The following GRIPAP1 variants were observed in gnomAD, a reference collection of about 807,000 sequenced individuals.
GRIPAP1 encodes GRIP1-associated protein 1.
GRIPAP1 carries 14 observed loss-of-function variants against 84.1 expected under a neutral mutation model. That is an observed-to-expected ratio of 0.17 (90% CI 0.11 to 0.26). The LOEUF (loss-of-function observed/expected upper bound fraction) is 0.26, where lower values mean the gene tolerates loss of function less well. Among genes scored for constraint, GRIPAP1 ranks in the 10% least tolerant of loss-of-function variants. GRIPAP1 has a pLI of 1.00. For missense variants in GRIPAP1, 518 were observed against 674.2 expected, an observed-to-expected ratio of 0.77 and a Z score of 2.57; for synonymous variants, 261 against 256.8, an observed-to-expected ratio of 1.02 and a Z score of -0.15.
chrX:48,990,863 T>C (rs958679300), intron 7 of GRIPAP1, 63 bp downstream of exon 7: 19 of 1,018,704 alleles, frequency 1.9e-5, no homozygotes, highest in Admixed American at 7.5e-5. Context: ...CGTGGGACTA[T>C]AGACAGAGGT....
intron 6 of GRIPAP1, among the ~76,000 whole-genome samples, chrX:48,992,410 G>A (rs2064525303): frequency 8.9e-6 from 1 of 112,371 alleles, no homozygotes; most frequent in Non-Finnish European, 1.9e-5. Context: ...CCAGAGTGCT[G>A]GAATCAAGGT....
At position 48,981,815 on chromosome X, in the gene GRIPAP1, G is replaced by A; in HGVS notation, c.1657C>T (p.Gln553Ter). The A allele has an allele frequency of 8.5e-7, 1 of 1,176,562 alleles. No individual in the cohort carries two copies. Among genetic ancestry groups the A allele is most frequent in the East Asian group, 3.1e-5 (1 of 31,899 alleles). ...QEEALKQCRE[Q>*]HAAELKGKEE... Reference sequence around the variant, plus strand: ...GGCACCTTCAGCTCGGCAGCGTGCTGCTCCCGACACTGCTTGAGGGCTTCC... The same window carrying A: ...GGCACCTTCAGCTCGGCAGCGTGCTACTCCCGACACTGCTTGAGGGCTTCC... Residue 553 changes from glutamine (Q) to a stop codon, truncating the protein, a stop_gained, in exon 18 of 26, where the codon CAG (glutamine) becomes TAG (stop). Transcript: ENST00000376423. LOFTEE classifies it high-confidence loss of function.
At position 48,974,132 on chromosome X, in the gene GRIPAP1, C is replaced by T; in HGVS notation, c.*61G>A. Reference sequence around the variant, plus strand: ...TCCAGCCCTCATTTTTCCACCACAGCCCAAGGGAATAGCATCCTAGGGGGT... The same window carrying T: ...TCCAGCCCTCATTTTTCCACCACAGTCCAAGGGAATAGCATCCTAGGGGGT... On this transcript the variant is annotated 3_prime_UTR_variant, in exon 26 of 26. Transcript: ENST00000376423. The T allele has an allele frequency of 2.5e-6, 2 of 799,347 alleles. No individual in the cohort carries two copies. Among genetic ancestry groups the T allele is most frequent in the South Asian group, 4.5e-5 (2 of 44,743 alleles). 65.9% of individuals were successfully genotyped at this position (799,347 alleles called of 1,213,427 possible). A position where few individuals can be genotyped will look rare whatever the true frequency, so the allele number is the denominator to read the frequency against.
Position 48,999,486 on chromosome X carries a change from G to C in GRIPAP1, c.61C>G (p.Arg21Gly). The C allele has an allele frequency of 8.3e-7, 1 of 1,204,120 alleles. No homozygotes were observed. The highest frequency in any genetic ancestry group is 1.1e-6 in the Non-Finnish European group (1 of 888,931). Residue 21 changes from arginine to glycine, a missense_variant, in exon 2 of 26, where the codon CGG (arginine) becomes GGG (glycine). Arg to Gly is a moderately radical substitution (Grantham distance 125, BLOSUM62 -2). Coordinates refer to ENST00000376423, the MANE Select transcript of GRIPAP1 (RefSeq NM_020137.5). The stretch of plus-strand genomic sequence containing the variant: ...TCTGAAAGCTGGTAGTTGTTTGTCC[G>C]GAGTTCCAGGAGCTGAGCCTTTGGG... ...QRMQAQLLEL[R>G]TNNYQLSDEL... is the part of the protein sequence containing the mutation.
chrX:48,990,051 G>C (rs1557065043), intron 8 of GRIPAP1, 48 bp from the exon 9 acceptor site: 2 of 992,794 alleles, frequency 2.0e-6, no homozygotes, highest in Non-Finnish European at 2.8e-6. Context: ...ATAATATAAA[G>C]ACAAACCTAA....
chrX:48,992,165 C>T (rs1450448891), intron 6 of GRIPAP1, among the ~76,000 whole-genome samples: 1 of 111,341 alleles, frequency 9.0e-6, no homozygotes, highest in Non-Finnish European at 1.9e-5. Flanking sequence ...GCCATCAAAC[C>T]TGGCTAATTA....
Position 48,987,733 on chromosome X carries a change from G to A in GRIPAP1, c.1041+52C>T. 3 of 742,164 alleles carry A rather than the reference G, an allele frequency of 4.0e-6. No individual in the cohort carries two copies. The South Asian group carries it at 6.6e-5, about 16-fold the overall frequency. 61.2% of individuals were successfully genotyped at this position (742,164 alleles called of 1,213,427 possible). A position where few individuals can be genotyped will look rare whatever the true frequency, so the allele number is the denominator to read the frequency against. On this transcript the variant is annotated intron_variant, in intron 13 of 25. Transcript: ENST00000376423. ...ACCCTGATGTGGACCAGAAGCAGAT[G>A]GAGATGGGGGAACTGGAGAGGGATC...
In GRIPAP1 at chrX:49,002,250, G is replaced by T; in HGVS notation, c.-21C>A. 5 of 800,114 alleles carry T rather than the reference G, an allele frequency of 6.2e-6. No homozygotes were observed. Among genetic ancestry groups the T allele is most frequent in the Non-Finnish European group, 8.9e-6 (5 of 564,305 alleles). The allele number at this position is 800,114 out of a possible 1,213,427, so 65.9% of individuals were successfully genotyped here. A position where few individuals can be genotyped will look rare whatever the true frequency, so the allele number is the denominator to read the frequency against. On this transcript the variant is annotated 5_prime_UTR_variant, in exon 1 of 26. Coordinates refer to ENST00000376423, the MANE Select transcript of GRIPAP1 (RefSeq NM_020137.5). ...GCCATGTTCCTCCCCCCACCCCCCC[G>T]CCAGCTTTCTGCGCAGACGCAGCTC...
chrX:48,987,125 G>A (rs2147740753), intron 13 of GRIPAP1, among the ~76,000 whole-genome samples: 1 of 99,910 alleles, frequency 1.0e-5, no homozygotes, highest in East Asian at 3.3e-4. Flanking sequence ...TAGGATTACA[G>A]AATTGAGCCA....
chrX:48,995,246 C>A (rs1569520046), intron 5 of GRIPAP1, among the ~76,000 whole-genome samples: 1 of 111,745 alleles, frequency 8.9e-6, no homozygotes, highest in East Asian at 2.8e-4. Context: ...CAGTGCTGGC[C>A]CAGGGCAGAT....
intron 23 of GRIPAP1, 49 bp from the exon 24 acceptor site, chrX:48,976,160 C>T: frequency 8.3e-7 from 1 of 1,198,175 alleles, no homozygotes; most frequent in East Asian, 3.0e-5. Context: ...TACATGTTCA[C>T]ACATGAGGCG....
chrX:48,976,594 C>T lies in GRIPAP1; in HGVS notation c.2062-231G>A, dbSNP rs782267442. Among the ~76,000 whole-genome samples the T allele has an allele frequency of 1.4e-4, 16 of 111,408 alleles. No homozygotes were observed. In the South Asian group the frequency reaches 4.9e-3, roughly 34 times the overall value. ...TTGTGGAGAGGATTGAAGGAAGATC[C>T]CAAAGCAAATGAGATCTAACTTTCA... On this transcript the variant is annotated intron_variant, in intron 22 of 25. Transcript: ENST00000376423.
chrX:49,001,356 AC>A (rs35389211), intron 1 of GRIPAP1, among the ~76,000 whole-genome samples: 1,209 of 64,627 alleles, frequency 0.019, 23 homozygotes, highest in African/African-American at 0.057. Context: ...CCCTGTTCAG[AC>A]CCCCCCCCCA....
chrX:48,983,941 T>A, intron 14 of GRIPAP1, 71 bp from the exon 15 acceptor site: 1 of 624,395 alleles, frequency 1.6e-6, no homozygotes, highest in Non-Finnish European at 2.8e-6. Flanking sequence ...CAGGACCATC[T>A]GGTAGACCAT....
chrX:48,983,856 G>C lies in GRIPAP1; in HGVS notation c.1191C>G (p.Ala397=), dbSNP rs2064471943. ...GAAGTTGTTCCAGCAGTCGACTATTGGCCCGTAATGACTCCTAATGCAGAC... is the reference window on the plus strand; with the variant it reads ...GAAGTTGTTCCAGCAGTCGACTATTCGCCCGTAATGACTCCTAATGCAGAC... The part of the protein sequence containing the change: ...LNSQLQESLR[A]NSRLLEQLQE... Residue 397 remains alanine, a synonymous_variant, in exon 15 of 26, where the codon GCC becomes GCG. Transcript: ENST00000376423. The C allele has an allele frequency of 5.2e-6, 6 of 1,162,367 alleles. No individual in the cohort carries two copies. The East Asian group carries it at 1.8e-4, about 35-fold the overall frequency.
At chrX:48,980,546 G>C (rs184633997) in intron 21 of GRIPAP1, among the ~76,000 whole-genome samples, 1 of 110,826 alleles carries the variant, frequency 9.0e-6, no homozygotes, top group Admixed American at 9.7e-5. Context: ...CAGAAGAGAC[G>C]AAGAGGACAC....
chrX:48,997,926 G>A, intron 4 of GRIPAP1: 1 of 427,327 alleles, frequency 2.3e-6, no homozygotes, highest in Non-Finnish European at 4.1e-6. Context: ...AACAGACAGA[G>A]ACAGAAAGAG....
At chrX:48,998,106 C>G in intron 4 of GRIPAP1, 48 bp downstream of exon 4, 2 of 1,010,930 alleles carry the variant, frequency 2.0e-6, no homozygotes, top group Non-Finnish European at 2.8e-6. Flanking sequence ...CAGAAATAGC[C>G]CACCAAGACA....
chrX:48,989,757 G>GT, intron 10 of GRIPAP1, 47 bp from the exon 11 acceptor site: 1 of 1,127,732 alleles, frequency 8.9e-7, no homozygotes, highest in East Asian at 3.0e-5. Flanking sequence ...TTGAGGCCCA[G>GT]TCTCCTAGCT....
Sources: allele counts gnomAD v4.1 joint callset (sites outside exome capture counted in the v4.1 genomes callset), GRCh38; gene constraint gnomAD v4.1.1; transcripts MANE v1.5; gene names NCBI Gene and HGNC (gene_info 2026-07-23, HGNC 2026-07-21).